The following FOXO3 variants were observed in gnomAD, a reference collection of about 807,000 sequenced individuals.
FOXO3 encodes the protein forkhead box O3.
FOXO3 carries 4 observed loss-of-function variants against 41.9 expected under a neutral mutation model. The ratio of observed to expected loss-of-function variants is 0.10; its 90% CI spans 0.05 to 0.22. FOXO3 has a LOEUF of 0.22. Among genes scored for constraint, FOXO3 ranks in the 10% least tolerant of loss-of-function variants. FOXO3 has a pLI of 1.00. For missense variants in FOXO3, 534 were observed against 906.8 expected (o/e 0.59, Z 5.28); for synonymous variants, 318 against 389.3 (o/e 0.82, Z 2.16).
intron 2 of FOXO3, among the ~76,000 whole-genome samples, chr6:108,668,204 G>A (rs1239897222): frequency 6.6e-6 from 1 of 152,236 alleles, no homozygotes; most frequent in Non-Finnish European, 1.5e-5. Flanking sequence ...GAGCCGCCTT[G>A]TGTTAATGGA....
At chr6:108,678,104 A>G (rs1482421173) in intron 2 of FOXO3, among the ~76,000 whole-genome samples, 1 of 152,232 alleles carries the variant, frequency 6.6e-6, no homozygotes, top group African/African-American at 2.4e-5. Flanking sequence ...AACATTGTAA[A>G]TACTAAGTCC....
At chr6:108,606,939 T>A (rs962945229) in intron 1 of FOXO3, among the ~76,000 whole-genome samples, 1 of 152,220 alleles carries the variant, frequency 6.6e-6, no homozygotes, top group Admixed American at 6.5e-5. Flanking sequence ...AGATGTCTCT[T>A]GTTTTTATTT....
intron 1 of FOXO3, among the ~76,000 whole-genome samples, chr6:108,594,245 T>G (rs768739414): frequency 1.3e-5 from 2 of 152,204 alleles, no homozygotes; most frequent in Non-Finnish European, 2.9e-5. Context: ...TAACTGAAGT[T>G]TGTTTGCAAA....
chr6:108,637,991 A>G (rs141611992), intron 1 of FOXO3, among the ~76,000 whole-genome samples: 82 of 152,326 alleles, frequency 5.4e-4, no homozygotes, highest in African/African-American at 1.9e-3. Context: ...AAATAAATAT[A>G]CTTAGAAGAA....
chr6:108,667,286 A>G (rs1325032638), intron 2 of FOXO3, among the ~76,000 whole-genome samples: 2 of 152,206 alleles, frequency 1.3e-5, no homozygotes, highest in Non-Finnish European at 2.9e-5. Flanking sequence ...AGAAATGTAG[A>G]TATTTGGCCT....
intron 1 of FOXO3, among the ~76,000 whole-genome samples, chr6:108,594,090 C>T (rs971321675): frequency 6.6e-6 from 1 of 152,062 alleles, no homozygotes; most frequent in Admixed American, 6.6e-5. Flanking sequence ...TTAAAACTAC[C>T]AAAGCAGTGA....
chr6:108,673,561 G>C (rs1770442733), intron 2 of FOXO3, among the ~76,000 whole-genome samples: 1 of 152,180 alleles, frequency 6.6e-6, no homozygotes, highest in East Asian at 1.9e-4. Flanking sequence ...TTCAGTTTCA[G>C]AATCACTTGG....
chr6:108,634,210 G>A (rs1485877170), intron 1 of FOXO3, among the ~76,000 whole-genome samples: 2 of 152,286 alleles, frequency 1.3e-5, no homozygotes, highest in East Asian at 1.9e-4. Context: ...AAAGCACTTG[G>A]TAAACATCAG....
At chr6:108,582,203 A>G (rs915409757) in intron 1 of FOXO3, among the ~76,000 whole-genome samples, 2 of 152,154 alleles carry the variant, frequency 1.3e-5, no homozygotes, top group Admixed American at 6.5e-5. Flanking sequence ...CTAGCCACCT[A>G]AATAAGTGCC....
At chr6:108,597,515 G>A (rs957927156) in intron 1 of FOXO3, among the ~76,000 whole-genome samples, 2 of 151,958 alleles carry the variant, frequency 1.3e-5, no homozygotes, top group Admixed American at 1.3e-4. Flanking sequence ...TGTGGTATTT[G>A]TACCTAACAA....
At chr6:108,629,755 ATTAC>A (rs1343640125) in intron 1 of FOXO3, among the ~76,000 whole-genome samples, 1 of 152,030 alleles carries the variant, frequency 6.6e-6, no homozygotes, top group Non-Finnish European at 1.5e-5. Context: ...TGAATAAAGT[ATTAC>A]TTGTCTTTAA....
chr6:108,595,276 A>C (rs1206791920), intron 1 of FOXO3, among the ~76,000 whole-genome samples: 2 of 152,220 alleles, frequency 1.3e-5, no homozygotes, highest in Admixed American at 6.5e-5. Flanking sequence ...TTTCGGAAAT[A>C]CTGGGAAGTA....
At chr6:108,672,518 C>T (rs1041607135) in intron 2 of FOXO3, among the ~76,000 whole-genome samples, 2 of 152,238 alleles carry the variant, frequency 1.3e-5, no homozygotes, top group South Asian at 4.2e-4. Flanking sequence ...TAGATGTGGA[C>T]CTTAGTTTGT....
intron 1 of FOXO3, among the ~76,000 whole-genome samples, chr6:108,649,985 A>G (rs1778503370): frequency 6.6e-6 from 1 of 152,170 alleles, no homozygotes; most frequent in Non-Finnish European, 1.5e-5. Context: ...CCTTAGGGAA[A>G]GACCTAGTAC....
intron 1 of FOXO3, 85 bp from the exon 2 acceptor site, chr6:108,663,370 T>G: frequency 6.6e-7 from 1 of 1,507,528 alleles, no homozygotes; most frequent in Non-Finnish European, 8.9e-7. Context: ...AAAAAATGAA[T>G]GAGGAGTCTG....
rs149462432 is a variant in FOXO3 at position 108,641,988 on chromosome 6, A to T, written c.622-21467A>T. On this transcript the variant is annotated intron_variant, in intron 1 of 2. Coordinates refer to ENST00000406360, the MANE Select transcript of FOXO3 (RefSeq NM_001455.4). ...TGCATAGAATTTAGAAGAATGCAAG[A>T]ATGCATGAGACTTGAAGCACAAAGC... 1.3e-3 allele frequency among the ~76,000 whole-genome samples: 202 copies of T among 152,264 alleles called. 2 individuals are homozygous for T. Among genetic ancestry groups the T allele is most frequent in the African/African-American group, 4.5e-3 (188 of 41,558 alleles).
intron 1 of FOXO3, among the ~76,000 whole-genome samples, chr6:108,604,176 A>G (rs1353150011): frequency 6.6e-6 from 1 of 152,078 alleles, no homozygotes; most frequent in African/African-American, 2.4e-5. Context: ...CCAACTTTTT[A>G]CTCTTAAATA....
At chr6:108,668,847 C>A (rs1779131472) in intron 2 of FOXO3, among the ~76,000 whole-genome samples, 1 of 152,164 alleles carries the variant, frequency 6.6e-6, no homozygotes, top group African/African-American at 2.4e-5. Context: ...AACTTGAAGA[C>A]CGGGCGCAGT....
At chr6:108,637,016 C>CT (rs1778138550) in intron 1 of FOXO3, among the ~76,000 whole-genome samples, 1 of 152,200 alleles carries the variant, frequency 6.6e-6, no homozygotes, top group Non-Finnish European at 1.5e-5. Context: ...GAGATGCAGA[C>CT]TTCTGCAGAG....
Sources: allele counts gnomAD v4.1 joint callset (sites outside exome capture counted in the v4.1 genomes callset), GRCh38; gene constraint gnomAD v4.1.1; transcripts MANE v1.5; gene names NCBI Gene and HGNC (gene_info 2026-07-23, HGNC 2026-07-21).